EPB41L4B: variants seen among roughly 807,000 people sequenced by gnomAD.
The protein encoded by EPB41L4B is band 4.1-like protein 4B.
EPB41L4B carries 30 observed loss-of-function variants against 112.5 expected under a neutral mutation model. The ratio of observed to expected loss-of-function variants is 0.27; its 90% CI spans 0.20 to 0.36. The LOEUF is 0.36. Ranked by LOEUF, EPB41L4B falls within the 10% of genes least tolerant of loss-of-function variation. EPB41L4B has a pLI of 1.00. For synonymous variants in EPB41L4B, 408 were observed against 439.7 expected, an observed-to-expected ratio of 0.93 and a Z score of 0.90; for missense variants, 1,024 against 1,133.3, an observed-to-expected ratio of 0.90 and a Z score of 1.38.
chr9:109,199,327 G>T (rs1832746014), intron 20 of EPB41L4B, among the ~76,000 whole-genome samples: 1 of 152,116 alleles, frequency 6.6e-6, no homozygotes, highest in African/African-American at 2.4e-5. Context: ...CTCTCCCCTT[G>T]AGTGTGGGCT....
chr9:109,258,410 A>C, intron 6 of EPB41L4B, 113 bp from the exon 7 acceptor site: 8 of 1,103,082 alleles, frequency 7.3e-6, no homozygotes, highest in Non-Finnish European at 1.1e-5. Context: ...CCCCGCCCCA[A>C]TGTATAACTC....
chr9:109,183,715 C>T (rs1311362270), intron 23 of EPB41L4B, among the ~76,000 whole-genome samples: 1 of 152,152 alleles, frequency 6.6e-6, no homozygotes, highest in African/African-American at 2.4e-5. Context: ...CATACCATAC[C>T]ACCCGCCAGC....
intron 1 of EPB41L4B, among the ~76,000 whole-genome samples, chr9:109,285,704 C>A (rs1278694997): frequency 6.6e-6 from 1 of 152,128 alleles, no homozygotes; most frequent in Non-Finnish European, 1.5e-5. Flanking sequence ...TCACTCTTCC[C>A]AGCCTGCAGT....
chr9:109,264,909 A>G, intron 5 of EPB41L4B, 71 bp downstream of exon 5: 1 of 1,403,142 alleles, frequency 7.1e-7, no homozygotes, highest in Non-Finnish European at 9.6e-7. Flanking sequence ...TAAAAGAGTT[A>G]AAACAGTGAA....
chr9:109,205,630 T>C (rs1293010911), intron 18 of EPB41L4B, among the ~76,000 whole-genome samples: 1 of 152,202 alleles, frequency 6.6e-6, no homozygotes, highest in Non-Finnish European at 1.5e-5. Flanking sequence ...GACCATCCTC[T>C]AAAAAGGGCT....
At chr9:109,190,488 G>A (rs994198583) in intron 22 of EPB41L4B, among the ~76,000 whole-genome samples, 3 of 152,188 alleles carry the variant, frequency 2.0e-5, no homozygotes, top group Non-Finnish European at 4.4e-5. Flanking sequence ...CTAGACCAAG[G>A]TACCTGAGCA....
intron 16 of EPB41L4B, among the ~76,000 whole-genome samples, chr9:109,214,124 T>G (rs1445870230): frequency 2.0e-5 from 3 of 152,196 alleles, no homozygotes; most frequent in Non-Finnish European, 4.4e-5. Context: ...GCTGTGAATA[T>G]CCAATGAAGT....
In EPB41L4B at chr9:109,176,576, G is replaced by A. The variant is rs761185779; in HGVS notation, c.2608C>T (p.Arg870Trp). 18 of 1,610,720 alleles carry A rather than the reference G, an allele frequency of 1.1e-5. No homozygotes were observed. The highest frequency in any genetic ancestry group is 1.4e-5 in the Non-Finnish European group (16 of 1,178,380). ...CTGGCTGCCAGAGAAACAGGTTTCC[G>A]GGTGGTGTAAATGGTCTGCACTGTG... Reference protein sequence around the residue: ...VSTVQTIYTTRKPVSLAASAE... With the variant: ...VSTVQTIYTTWKPVSLAASAE... Residue 870 changes from arginine to tryptophan, a missense_variant, in exon 25 of 26, where the codon CGG (arginine) becomes TGG (tryptophan). Physicochemically the swap from Arg to Trp is moderately radical, Grantham distance 101. Transcript: ENST00000374566.
At chr9:109,240,782 G>A (rs1834328483) in intron 15 of EPB41L4B, 1 of 985,096 alleles carries the variant, frequency 1.0e-6, no homozygotes, top group East Asian at 1.1e-4. Context: ...TGAAGTCTAG[G>A]GTAAAAACCA....
intron 15 of EPB41L4B, among the ~76,000 whole-genome samples, chr9:109,235,709 T>C (rs1834117700): frequency 6.6e-6 from 1 of 152,194 alleles, no homozygotes. Flanking sequence ...TGAGCTATTT[T>C]GAATCTCTTT....
At chr9:109,214,789 T>A (rs1162480123) in intron 16 of EPB41L4B, among the ~76,000 whole-genome samples, 1 of 152,202 alleles carries the variant, frequency 6.6e-6, no homozygotes, top group African/African-American at 2.4e-5. Flanking sequence ...TGTATGGCCC[T>A]GCTCAGAAGC....
At position 109,308,683 on chromosome 9, in the gene EPB41L4B, C is replaced by T. The variant is rs570089260; in HGVS notation, c.306+11458G>A. On this transcript the variant is annotated intron_variant, in intron 1 of 25. Coordinates refer to ENST00000374566, the MANE Select transcript of EPB41L4B (RefSeq NM_019114.5). ...CAAGTGATCCTCCCATCTCAGCCTC[C>T]CAAGTCGCTGGGATTACAGGTGTGT... 2.3e-3 allele frequency among the ~76,000 whole-genome samples: 344 copies of T among 152,300 alleles called. 1 individual carries two copies. The highest frequency in any genetic ancestry group is 4.1e-3 in the Non-Finnish European group (280 of 68,028).
Position 109,265,433 on chromosome 9 carries a change from G to T in EPB41L4B, c.534-409C>A, listed in dbSNP as rs10979781. 6.2e-3 allele frequency among the ~76,000 whole-genome samples: 939 copies of T among 152,318 alleles called. 21 individuals are homozygous for T. The East Asian group carries it at 0.096, about 16-fold the overall frequency. ...CACCAGCGGATTCCAGATCTGCTGC[G>T]GTGGATTGTAACAAAAAGTTTGCAG... On this transcript the variant is annotated intron_variant, in intron 4 of 25. Coordinates refer to ENST00000374566, the MANE Select transcript of EPB41L4B (RefSeq NM_019114.5).
At chr9:109,314,306 T>C (rs1837543205) in intron 1 of EPB41L4B, among the ~76,000 whole-genome samples, 1 of 152,198 alleles carries the variant, frequency 6.6e-6, no homozygotes, top group South Asian at 2.1e-4. Context: ...CACGCAAGAA[T>C]TTAAGGGAAG....
rs73529311 is a variant in EPB41L4B, at chr9:109,243,776, C to G, written c.1345-94G>C. The G allele has an allele frequency of 1.1e-3, 1,338 of 1,246,012 alleles. 11 individuals are homozygous for G. The African/African-American group carries it at 0.018, about 17-fold the overall frequency. 77.2% of individuals were successfully genotyped at this position (1,246,012 alleles called of 1,614,324 possible). A position where few individuals can be genotyped will look rare whatever the true frequency, so the allele number is the denominator to read the frequency against. On this transcript the variant is annotated intron_variant, in intron 14 of 25. Coordinates refer to ENST00000374566, the MANE Select transcript of EPB41L4B (RefSeq NM_019114.5). ...CTGTTCCTGGCATCCACCCGAGGGGCTGGGGGACTAAGAATGGAAAGGCTA... is the reference window on the plus strand; with the variant it reads ...CTGTTCCTGGCATCCACCCGAGGGGGTGGGGGACTAAGAATGGAAAGGCTA...
At chr9:109,292,732 GA>G (rs1836578801) in intron 1 of EPB41L4B, among the ~76,000 whole-genome samples, 1 of 152,238 alleles carries the variant, frequency 6.6e-6, no homozygotes, top group Non-Finnish European at 1.5e-5. Context: ...CTTATCAAGA[GA>G]GGGGGTCTCT....
intron 2 of EPB41L4B, among the ~76,000 whole-genome samples, chr9:109,270,428 G>A (rs1376446961): frequency 5.3e-5 from 8 of 152,098 alleles, no homozygotes; most frequent in Non-Finnish European, 1.2e-4. Flanking sequence ...GGGTTGTCAC[G>A]TCCATATTCA....
At position 109,203,689 on chromosome 9, in the gene EPB41L4B, T is replaced by G; in HGVS notation, c.1920A>C (p.Lys640Asn). 1 of 1,614,084 alleles carries G rather than the reference T, an allele frequency of 6.2e-7. No homozygotes were observed. Among genetic ancestry groups the G allele is most frequent in the East Asian group, 2.2e-5 (1 of 44,882 alleles). ...EESPFVNINK[K>N]SSLQDASVRS... is the part of the protein sequence containing the mutation. The stretch of plus-strand genomic sequence containing the variant: ...TTACACTAGCGTCCTGAAGACTGGA[T>G]TTCTTATTGATATTTACAAACGGTG... The change falls in exon 19 of 26, where the codon AAA becomes AAC. Residue 640 changes from lysine (K) to asparagine (N), a missense_variant. By Grantham distance (94) the Lys-to-Asn change is moderately conservative. Coordinates refer to ENST00000374566, the MANE Select transcript of EPB41L4B (RefSeq NM_019114.5).
chr9:109,231,455 T>C (rs980611074), intron 15 of EPB41L4B, among the ~76,000 whole-genome samples: 4 of 152,250 alleles, frequency 2.6e-5, no homozygotes, highest in African/African-American at 9.6e-5. Flanking sequence ...TGCATTTAAA[T>C]TTTAATTCTC....
Sources: allele counts gnomAD v4.1 joint callset (sites outside exome capture counted in the v4.1 genomes callset), GRCh38; gene constraint gnomAD v4.1.1; transcripts MANE v1.5; gene names NCBI Gene and HGNC (gene_info 2026-07-23, HGNC 2026-07-21).